The following PBX3 variants were observed in gnomAD, a reference collection of about 807,000 sequenced individuals.
PBX3 encodes the protein pre-B-cell leukemia transcription factor 3.
PBX3 carries 14 observed loss-of-function variants against 48.5 expected under a neutral mutation model. The ratio of observed to expected loss-of-function variants is 0.29; its 90% CI spans 0.19 to 0.45. The LOEUF is 0.45. PBX3 is among the 20% of genes least tolerant of loss of function. The pLI, the probability that PBX3 is intolerant of heterozygous loss-of-function variation, is 1.00. For synonymous variants in PBX3, 210 were observed against 200.3 expected, an observed-to-expected ratio of 1.05 and a Z score of -0.41; for missense variants, 386 against 546.7, an observed-to-expected ratio of 0.71 and a Z score of 2.93.
intron 2 of PBX3, among the ~76,000 whole-genome samples, chr9:125,897,159 T>TC (rs1379767912): frequency 1.3e-5 from 2 of 150,348 alleles, no homozygotes; most frequent in Non-Finnish European, 3.0e-5. Context: ...TTTTTTTTTT[T>TC]TTTCCTGTGC....
intron 4 of PBX3, among the ~76,000 whole-genome samples, chr9:125,933,155 C>A (rs1191966576): frequency 4.6e-5 from 7 of 152,236 alleles, no homozygotes; most frequent in Non-Finnish European, 5.9e-5. Context: ...TCTTGTAGTG[C>A]CTCCCAGCAA....
chr9:125,902,381 G>A (rs902995182), intron 2 of PBX3, among the ~76,000 whole-genome samples: 2 of 151,664 alleles, frequency 1.3e-5, no homozygotes, highest in African/African-American at 4.8e-5. Context: ...CAATGACTCT[G>A]TAGTGTGATT....
At chr9:125,870,427 A>G (rs2132318124) in intron 2 of PBX3, among the ~76,000 whole-genome samples, 2 of 152,286 alleles carry the variant, frequency 1.3e-5, no homozygotes, top group South Asian at 4.1e-4. Flanking sequence ...ACACCCCCTT[A>G]TAAAACCATC....
intron 5 of PBX3, among the ~76,000 whole-genome samples, chr9:125,945,664 A>G (rs1842050499): frequency 6.6e-6 from 1 of 152,234 alleles, no homozygotes; most frequent in Non-Finnish European, 1.5e-5. Context: ...ATAGACATTT[A>G]CTGAAGATGA....
At chr9:125,803,441 A>G (rs547309921) in intron 2 of PBX3, among the ~76,000 whole-genome samples, 1 of 152,296 alleles carries the variant, frequency 6.6e-6, no homozygotes, top group South Asian at 2.1e-4. Context: ...ATTATTTTCC[A>G]GGATTCAAAG....
chr9:125,915,465 G>C (rs1263729534), intron 2 of PBX3, among the ~76,000 whole-genome samples: 1 of 151,978 alleles, frequency 6.6e-6, no homozygotes, highest in African/African-American at 2.4e-5. Flanking sequence ...TGAGGCGGTG[G>C]GGGGGTATTT....
intron 2 of PBX3, among the ~76,000 whole-genome samples, chr9:125,853,163 A>G (rs1313619177): frequency 6.6e-6 from 1 of 152,196 alleles, no homozygotes; most frequent in Non-Finnish European, 1.5e-5. Flanking sequence ...TCCACACCTC[A>G]GAATTTAAAT....
rs549506063 is a variant in PBX3 at position 125,913,102 on chromosome 9, C to G, written c.275-2584C>G. On this transcript the variant is annotated intron_variant, in intron 2 of 8. Transcript: ENST00000373489. ...GCTTAATAAAGAAAAGAAACCGATTCACTTTTCAGACTAGTTATGAAAATT... is the reference window on the plus strand; with the variant it reads ...GCTTAATAAAGAAAAGAAACCGATTGACTTTTCAGACTAGTTATGAAAATT... Among the ~76,000 whole-genome samples the G allele has an allele frequency of 1.3e-3, 204 of 152,228 alleles. 1 individual carries two copies. Among genetic ancestry groups the G allele is most frequent in the African/African-American group, 4.6e-3 (193 of 41,554 alleles).
chr9:125,948,016 C>T (rs1310606681), intron 5 of PBX3, among the ~76,000 whole-genome samples: 2 of 152,144 alleles, frequency 1.3e-5, no homozygotes, highest in African/African-American at 4.8e-5. Flanking sequence ...TCAGTAAGGA[C>T]ATAGAACAGT....
chr9:125,847,893 A>C (rs889245313), intron 2 of PBX3, among the ~76,000 whole-genome samples: 7 of 151,880 alleles, frequency 4.6e-5, no homozygotes, highest in Admixed American at 2.6e-4. Flanking sequence ...TATCTCCCCT[A>C]ATAGCTTTTT....
chr9:125,797,789 A>G (rs546187539), intron 2 of PBX3, among the ~76,000 whole-genome samples: 2 of 152,132 alleles, frequency 1.3e-5, no homozygotes, highest in African/African-American at 2.4e-5. Context: ...TTCATTCTAC[A>G]TATCTGGGGT....
intron 5 of PBX3, 70 bp from the exon 6 acceptor site, chr9:125,960,614 G>T: frequency 7.1e-7 from 1 of 1,398,934 alleles, no homozygotes; most frequent in Non-Finnish European, 1.0e-6. Flanking sequence ...TTGGTGTCCA[G>T]CAGGTATTAT....
intron 2 of PBX3, among the ~76,000 whole-genome samples, chr9:125,818,539 A>G (rs1838540787): frequency 6.6e-6 from 1 of 152,040 alleles, no homozygotes; most frequent in Admixed American, 6.6e-5. Flanking sequence ...TAGTAGAGAC[A>G]GAGTTTCTCC....
intron 2 of PBX3, among the ~76,000 whole-genome samples, chr9:125,866,075 G>T (rs529839768): frequency 6.6e-6 from 1 of 151,298 alleles, no homozygotes; most frequent in South Asian, 2.1e-4. Flanking sequence ...AAAAAGCAAC[G>T]GTCACATAAA....
intron 2 of PBX3, among the ~76,000 whole-genome samples, chr9:125,750,430 C>T (rs2131944541): frequency 6.6e-6 from 1 of 152,324 alleles, no homozygotes; most frequent in African/African-American, 2.4e-5. Flanking sequence ...AATTAGGAAG[C>T]ATAAGTCCTT....
chr9:125,877,470 A>G (rs780727963), intron 2 of PBX3, among the ~76,000 whole-genome samples: 4 of 152,234 alleles, frequency 2.6e-5, no homozygotes, highest in African/African-American at 4.8e-5. Flanking sequence ...TTTGTTGTGT[A>G]TATCAAAGAG....
chr9:125,915,821 C>T lies in PBX3; in HGVS notation c.410C>T (p.Ala137Val). 6.2e-7 allele frequency: 1 copy of T among 1,614,046 alleles called. No homozygotes were observed. The highest frequency in any genetic ancestry group is 8.5e-7 in the Non-Finnish European group (1 of 1,179,990). Residue 137 changes from alanine to valine, a missense_variant, in exon 3 of 9, where the codon GCA (alanine) becomes GTA (valine). By Grantham distance (64) the Ala-to-Val change is moderately conservative. Transcript: ENST00000373489. ...GGSAAAAAAA[A>V]ASGGSSDNSI... ...TCGGCGGCAGCAGCTGCAGCCGCGG[C>T]AGCCTCTGGAGGTTCTTCAGATAAC... is the stretch of plus-strand genomic sequence containing the variant.
At chr9:125,856,333 C>T (rs1282099376) in intron 2 of PBX3, among the ~76,000 whole-genome samples, 1 of 152,164 alleles carries the variant, frequency 6.6e-6, no homozygotes, top group African/African-American at 2.4e-5. Context: ...TTCTGCGCTG[C>T]TTTATTTCTG....
chr9:125,788,759 C>T (rs1837522532), intron 2 of PBX3, among the ~76,000 whole-genome samples: 1 of 152,044 alleles, frequency 6.6e-6, no homozygotes, highest in African/African-American at 2.4e-5. Flanking sequence ...CTTGTACTCC[C>T]AGCTACTTGG....
Sources: gnomAD v4.1 joint callset for allele counts (sites outside exome capture counted in the v4.1 genomes callset) on GRCh38, gnomAD v4.1.1 for gene constraint, MANE v1.5 for transcripts, NCBI Gene and HGNC (gene_info 2026-07-23, HGNC 2026-07-21) for gene names.